The following EYS variants were observed in gnomAD, a reference collection of about 807,000 sequenced individuals.
EYS encodes EGF-like photoreceptor maintenance factor, also known as protein eyes shut homolog.
EYS carries 250 observed loss-of-function variants against 282.1 expected under a neutral mutation model. The observed-to-expected ratio is 0.89, with a 90% CI of 0.80 to 0.98. The LOEUF (loss-of-function observed/expected upper bound fraction) is 0.98. EYS is among the 50% of genes least tolerant of loss of function. The pLI is 0.00. For missense variants in EYS, 4,016 were observed against 3,709.0 expected, an observed-to-expected ratio of 1.08 and a Z score of -2.15; for synonymous variants, 1,355 against 1,282.9, an observed-to-expected ratio of 1.06 and a Z score of -1.20.
intron 12 of EYS, among the ~76,000 whole-genome samples, chr6:65,200,801 A>C (rs1765881692): frequency 6.6e-6 from 1 of 152,124 alleles, no homozygotes; most frequent in Non-Finnish European, 1.5e-5. Context: ...CTTCCTGTTC[A>C]TATCTGCATT....
At chr6:64,580,032 A>G (rs1766009685) in intron 26 of EYS, among the ~76,000 whole-genome samples, 1 of 152,014 alleles carries the variant, frequency 6.6e-6, no homozygotes, top group African/African-American at 2.4e-5. Flanking sequence ...TTATTTTTTT[A>G]AGTCCCAGGG....
intron 19 of EYS, among the ~76,000 whole-genome samples, chr6:64,842,209 T>A (rs1765582968): frequency 6.6e-6 from 1 of 151,526 alleles, no homozygotes; most frequent in South Asian, 2.1e-4. Flanking sequence ...ACATAAGGTC[T>A]GGAACAACTT....
chr6:65,377,428 A>T (rs1232202427), intron 8 of EYS, among the ~76,000 whole-genome samples: 1 of 152,200 alleles, frequency 6.6e-6, no homozygotes, highest in Non-Finnish European at 1.5e-5. Flanking sequence ...AGCAGGAAAG[A>T]TCTAAAATTG....
At chr6:65,409,825 A>C (rs1766906650) in intron 5 of EYS, among the ~76,000 whole-genome samples, 1 of 152,064 alleles carries the variant, frequency 6.6e-6, no homozygotes, top group South Asian at 2.1e-4. Context: ...AGATTATATA[A>C]TATTAACTCA....
intron 22 of EYS, among the ~76,000 whole-genome samples, chr6:64,734,288 C>T (rs1257049891): frequency 5.3e-5 from 8 of 151,878 alleles, no homozygotes; most frequent in Admixed American, 3.9e-4. Flanking sequence ...CTTTTATTAT[C>T]CATGTAAGTT....
chr6:64,754,204 C>G (rs1321744154), intron 22 of EYS, among the ~76,000 whole-genome samples: 6 of 152,014 alleles, frequency 3.9e-5, no homozygotes, highest in Non-Finnish European at 8.8e-5. Flanking sequence ...AATGACACTA[C>G]TATAAATGGC....
At chr6:65,672,631 C>T (rs983057729) in intron 1 of EYS, among the ~76,000 whole-genome samples, 2 of 152,102 alleles carry the variant, frequency 1.3e-5, no homozygotes, top group Non-Finnish European at 2.9e-5. Context: ...AAAAAACTAT[C>T]TCCAGAAATA....
chr6:64,757,785 T>TGTGTGC (rs1773001835), intron 22 of EYS, among the ~76,000 whole-genome samples: 1 of 147,282 alleles, frequency 6.8e-6, no homozygotes, highest in Non-Finnish European at 1.5e-5. Context: ...TGTGTGTGTG[T>TGTGTGC]GTTTTGTTTG....
intron 14 of EYS, among the ~76,000 whole-genome samples, chr6:64,950,816 T>C (rs1339937347): frequency 2.6e-4 from 29 of 111,576 alleles, no homozygotes; most frequent in Non-Finnish European, 3.8e-4. Flanking sequence ...TATATATATA[T>C]ATATATATAT....
intron 2 of EYS, among the ~76,000 whole-genome samples, chr6:65,626,844 ATGGACTCATAAGAACAGAGAGCCCC>A (rs1315243502): frequency 6.6e-6 from 1 of 151,704 alleles, no homozygotes; most frequent in African/African-American, 2.4e-5. Context: ...TATGTATTGT[ATGGACTCATAAGAACAGAGAGCCCC>A]TGGCTCAATG....
At chr6:65,423,533 A>T (rs1002859530) in intron 5 of EYS, among the ~76,000 whole-genome samples, 1 of 151,954 alleles carries the variant, frequency 6.6e-6, no homozygotes, top group Non-Finnish European at 1.5e-5. Flanking sequence ...GGTCTACATT[A>T]GGTATCATAA....
intron 36 of EYS, among the ~76,000 whole-genome samples, chr6:63,832,381 G>A (rs1227360635): frequency 1.3e-5 from 2 of 151,730 alleles, no homozygotes; most frequent in Non-Finnish European, 2.9e-5. Flanking sequence ...ATGATGAAGG[G>A]GATATCACCA....
Position 64,591,939 on chromosome 6 carries a change from A to T in EYS, c.3928T>A (p.Leu1310Met). The T allele has an allele frequency of 6.5e-7, 1 of 1,531,820 alleles. No homozygotes were observed. The highest frequency in any genetic ancestry group is 1.2e-5 in the South Asian group (1 of 81,510). 94.9% of individuals were successfully genotyped at this position (1,531,820 alleles called of 1,614,324 possible). A position where few individuals can be genotyped will look rare whatever the true frequency, so the allele number is the denominator to read the frequency against. Residue 1310 changes from leucine to methionine, a missense_variant, in exon 26 of 43, where the codon TTG becomes ATG. Leu to Met is a conservative substitution (Grantham distance 15). Coordinates refer to ENST00000503581, the MANE Select transcript of EYS (RefSeq NM_001142800.2). ...GGTGTGCTAATTCTTAATGTTGCCA[A>T]ACCAGTGGTTGGGAGAATGTCGTGC... ...VKHDILPTTG[L>M]ATLRISTPLE...
chr6:63,875,414 G>A (rs1446680925), intron 35 of EYS, among the ~76,000 whole-genome samples: 2 of 152,172 alleles, frequency 1.3e-5, no homozygotes, highest in Non-Finnish European at 2.9e-5. Flanking sequence ...GTTCATCAGG[G>A]ACATTGGTCT....
chr6:64,315,498 C>T (rs1002138137), intron 29 of EYS, among the ~76,000 whole-genome samples: 1 of 147,760 alleles, frequency 6.8e-6, no homozygotes, highest in African/African-American at 2.5e-5. Context: ...CCCTTATGAA[C>T]GTCGATGAGA....
At chr6:65,455,179 TAAA>T (rs1235825348) in intron 5 of EYS, among the ~76,000 whole-genome samples, 3 of 152,148 alleles carry the variant, frequency 2.0e-5, no homozygotes, top group Non-Finnish European at 4.4e-5. Flanking sequence ...ATTTCTTTTA[TAAA>T]AATTTTATAC....
chr6:65,157,943 G>T (rs1393732099), intron 12 of EYS, among the ~76,000 whole-genome samples: 1 of 150,686 alleles, frequency 6.6e-6, no homozygotes, highest in Non-Finnish European at 1.5e-5. Context: ...CCATAATCTA[G>T]AAATGGGCTA....
intron 30 of EYS, among the ~76,000 whole-genome samples, chr6:64,239,075 C>A (rs561371886): frequency 6.6e-6 from 1 of 152,180 alleles, no homozygotes; most frequent in Non-Finnish European, 1.5e-5. Flanking sequence ...CTGCAAAGGA[C>A]GTGAACTCAT....
intron 12 of EYS, among the ~76,000 whole-genome samples, chr6:65,180,584 A>G (rs1460478798): frequency 6.6e-6 from 1 of 152,180 alleles, no homozygotes; most frequent in Non-Finnish European, 1.5e-5. Context: ...AGAACATTCT[A>G]TGCTCATGGG....
Sources: gnomAD v4.1 joint callset for allele counts (sites outside exome capture counted in the v4.1 genomes callset) on GRCh38, gnomAD v4.1.1 for gene constraint, MANE v1.5 for transcripts, NCBI Gene and HGNC (gene_info 2026-07-23, HGNC 2026-07-21) for gene names.